The following ADARB1 variants were observed in gnomAD, a reference collection of about 807,000 sequenced individuals.
The protein encoded by ADARB1 is adenosine deaminase RNA specific B1, also known as double-stranded RNA-specific editase 1.
In ADARB1, 10 loss-of-function variants were observed where a neutral mutation model predicts 52.4. The ratio of observed to expected loss-of-function variants is 0.19; its 90% CI spans 0.12 to 0.32. The LOEUF is 0.32. ADARB1 is among the 10% of genes least tolerant of loss of function. The probability of loss-of-function intolerance (pLI) is 1.00; values close to 1 mark genes in which losing one functional copy is unlikely to be tolerated. For missense variants in ADARB1, 643 were observed against 922.3 expected, an observed-to-expected ratio of 0.70 and a Z score of 3.92; for synonymous variants, 349 against 371.1, an observed-to-expected ratio of 0.94 and a Z score of 0.68.
At chr21:45,146,102 CCT>C (rs2089992873) in intron 2 of ADARB1, 1 of 128,148 alleles carries the variant, frequency 7.8e-6, no homozygotes, top group Non-Finnish European at 1.7e-5. Flanking sequence ...GTTGTCACTG[CCT>C]GTGGTGGGGT....
intron 2 of ADARB1, among the ~76,000 whole-genome samples, chr21:45,158,012 T>A (rs1465111596): frequency 1.3e-5 from 2 of 152,228 alleles, no homozygotes; most frequent in African/African-American, 4.8e-5. Flanking sequence ...TCTTTCCAGC[T>A]GGTGTCCAGA....
chr21:45,175,545 T>G (rs529637684), intron 3 of ADARB1, among the ~76,000 whole-genome samples, 185 bp from the exon 4 acceptor site: 13 of 152,370 alleles, frequency 8.5e-5, no homozygotes, highest in Admixed American at 3.9e-4. Flanking sequence ...GTCAGATTAC[T>G]TGTTTAGTTG....
chr21:45,149,432 G>T (rs2090172932), intron 2 of ADARB1, among the ~76,000 whole-genome samples: 3 of 152,212 alleles, frequency 2.0e-5, no homozygotes, highest in African/African-American at 7.2e-5. Context: ...TTCAAATGGG[G>T]GCCGCATATC....
intron 2 of ADARB1, among the ~76,000 whole-genome samples, chr21:45,166,220 G>T (rs2091250612): frequency 6.6e-6 from 1 of 152,040 alleles, no homozygotes; most frequent in Non-Finnish European, 1.5e-5. Context: ...TTATACTTGT[G>T]GTTGCAATGT....
chr21:45,151,854 G>A (rs1471090401), intron 2 of ADARB1, among the ~76,000 whole-genome samples: 1 of 152,238 alleles, frequency 6.6e-6, no homozygotes, highest in Non-Finnish European at 1.5e-5. Context: ...GACTGGCTGT[G>A]CTGATCAAGC....
intron 9 of ADARB1, among the ~76,000 whole-genome samples, chr21:45,209,123 C>A (rs1228711527): frequency 1.3e-5 from 2 of 152,180 alleles, no homozygotes; most frequent in East Asian, 1.9e-4. Context: ...TGTAAAGATC[C>A]AAACTTGGGA....
chr21:45,123,444 C>T (rs2088342590), intron 1 of ADARB1, among the ~76,000 whole-genome samples: 1 of 152,194 alleles, frequency 6.6e-6, no homozygotes, highest in Non-Finnish European at 1.5e-5. Context: ...GTTGGGATTA[C>T]AGACATGAGC....
chr21:45,087,265 T>C (rs146312240), intron 1 of ADARB1, among the ~76,000 whole-genome samples: 3 of 152,320 alleles, frequency 2.0e-5, no homozygotes. Flanking sequence ...CGGAATAACC[T>C]AAATATCCAT....
At chr21:45,170,965 T>A (rs422870) in intron 2 of ADARB1, among the ~76,000 whole-genome samples, 78,711 of 152,044 alleles carry the variant, frequency 0.52, 20,687 homozygotes, top group South Asian at 0.57. Flanking sequence ...TTTAGCAGTC[T>A]TGTGCACTTT....
At chr21:45,116,931 A>G (rs1435641105) in intron 1 of ADARB1, 1 of 151,810 alleles carries the variant, frequency 6.6e-6, no homozygotes, top group African/African-American at 2.4e-5. Context: ...TTCTTTTCTC[A>G]GCATAATTGA....
At chr21:45,159,316 C>A (rs1053248554) in intron 2 of ADARB1, among the ~76,000 whole-genome samples, 2 of 152,128 alleles carry the variant, frequency 1.3e-5, no homozygotes, top group African/African-American at 4.8e-5. Context: ...TTCACTACCA[C>A]GAGAACAGTA....
intron 2 of ADARB1, chr21:45,145,482 G>A (rs2089961867): frequency 6.6e-6 from 1 of 152,414 alleles, no homozygotes. Context: ...CGGGCAGGCG[G>A]GCAGTTAGAT....
chr21:45,158,195 G>A (rs2090764960), intron 2 of ADARB1, among the ~76,000 whole-genome samples: 2 of 152,178 alleles, frequency 1.3e-5, no homozygotes, highest in Non-Finnish European at 2.9e-5. Flanking sequence ...ACCCTGCACA[G>A]CAGGGAGCAT....
Position 45,157,658 on chromosome 21 carries a change from G to GCT in ADARB1, c.-47-13949_-47-13948dup. Among the ~76,000 whole-genome samples, 1 of 152,288 alleles carries GCT rather than the reference G, an allele frequency of 6.6e-6. No individual in the cohort carries two copies. The highest frequency in any genetic ancestry group is 1.5e-5 in the Non-Finnish European group (1 of 68,026). Reference sequence around the variant, plus strand: ...GGAAACAAGCGTGTGGATCAGTGTGGCTCTGTATGTGTGAACATGTATGGA... The same window carrying GCT: ...GGAAACAAGCGTGTGGATCAGTGTGGCTCTCTGTATGTGTGAACATGTATGGA... On this transcript the variant is annotated intron_variant, in intron 2 of 10. Transcript: ENST00000348831. This position sits in a 1 kb window ranked among gnomAD's most constrained non-coding sequence, Gnocchi z 4.1.
At position 45,153,023 on chromosome 21, in the gene ADARB1, C is replaced by T. The variant is rs1601625243; in HGVS notation, c.-47-18587C>T. Among the ~76,000 whole-genome samples the T allele has an allele frequency of 3.9e-5, 6 of 152,280 alleles. No individual in the cohort carries two copies. The South Asian group carries it at 1.2e-3, about 32-fold the overall frequency. On this transcript the variant is annotated intron_variant, in intron 2 of 10. Transcript: ENST00000348831. ...TTTGAGCTACAGAAAAGGTTTTTCT[C>T]CCAGAGACAGATGCTTATATGAGAT... is the stretch of plus-strand genomic sequence containing the variant.
chr21:45,121,940 A>G (rs1297779587), intron 1 of ADARB1, among the ~76,000 whole-genome samples: 3 of 152,134 alleles, frequency 2.0e-5, no homozygotes, highest in Non-Finnish European at 4.4e-5. Flanking sequence ...CATTGTTGCT[A>G]CTAATTCTTA....
chr21:45,209,668 C>G (rs919310570), intron 9 of ADARB1, among the ~76,000 whole-genome samples: 2 of 152,170 alleles, frequency 1.3e-5, no homozygotes, highest in African/African-American at 2.4e-5. Flanking sequence ...TGTTTTCTCT[C>G]CTGTAGCGTT....
Position 45,110,531 on chromosome 21 carries a change from C to A in ADARB1, c.-219-17871C>A, listed in dbSNP as rs145141506. 8.6e-4 allele frequency among the ~76,000 whole-genome samples: 131 copies of A among 152,254 alleles called. 1 individual carries two copies. The East Asian group carries it at 0.024, about 28-fold the overall frequency. On this transcript the variant is annotated intron_variant, in intron 1 of 10. Coordinates refer to ENST00000348831, the MANE Select transcript of ADARB1 (RefSeq NM_001112.4). Reference sequence around the variant, plus strand: ...CTGCAGGAATTGAACTAAACAATTGCTACTGACAATGATGTATTTTAATTC... The same window carrying A: ...CTGCAGGAATTGAACTAAACAATTGATACTGACAATGATGTATTTTAATTC...
rs375976368 is a variant in ADARB1, at chr21:45,185,099, G to T, written c.1565+8G>T. 1 of 1,612,666 alleles carries T rather than the reference G, an allele frequency of 6.2e-7. No homozygotes were observed. The highest frequency in any genetic ancestry group is 1.7e-5 in the Admixed American group (1 of 59,964). ...CAGTGACAAGATTGCACGGTAAGGG[G>T]CGGGGGCTCCCTGTGGCCACCTCCC... On this transcript the variant is annotated splice_region_variant and intron_variant, in intron 8 of 10. Transcript: ENST00000348831.
Sources: gnomAD v4.1 joint callset for allele counts (sites outside exome capture counted in the v4.1 genomes callset) on GRCh38, gnomAD v4.1.1 for gene constraint, Gnocchi (gnomAD v3.1) non-coding constraint, MANE v1.5 for transcripts, NCBI Gene and HGNC (gene_info 2026-07-23, HGNC 2026-07-21) for gene names.